DENND1A: variants seen among roughly 807,000 people sequenced by gnomAD.
The protein encoded by DENND1A is DENN domain-containing protein 1A.
Under a neutral mutation model 113.7 loss-of-function variants are expected in DENND1A, and 51 were observed. The observed-to-expected ratio is 0.45, with a 90% CI of 0.36 to 0.57. The LOEUF (loss-of-function observed/expected upper bound fraction) is 0.57. Ranked by LOEUF, DENND1A falls within the 20% of genes least tolerant of loss-of-function variation. DENND1A has a pLI of 0.00. For synonymous variants in DENND1A, 565 were observed against 570.8 expected (o/e 0.99, Z 0.14); for missense variants, 1,258 against 1,395.9 (o/e 0.90, Z 1.57).
intron 1 of DENND1A, among the ~76,000 whole-genome samples, chr9:123,901,141 T>G (rs111865323): frequency 1.2e-3 from 189 of 152,294 alleles, no homozygotes; most frequent in African/African-American, 4.3e-3. Flanking sequence ...TCAACTGACA[T>G]GTTCAGATTG....
At chr9:123,439,390 G>A (rs2046763115) in intron 19 of DENND1A, among the ~76,000 whole-genome samples, 1 of 152,152 alleles carries the variant, frequency 6.6e-6, no homozygotes, top group East Asian at 1.9e-4. Flanking sequence ...GTAGTAACCT[G>A]GAGCAAGAAT....
chr9:123,499,583 C>T (rs564377474), intron 13 of DENND1A, among the ~76,000 whole-genome samples: 21 of 152,276 alleles, frequency 1.4e-4, no homozygotes, highest in South Asian at 2.1e-4. Context: ...TTTTGTATGA[C>T]GAGACAAAGC....
chr9:123,849,118 G>C (rs1003152572), intron 2 of DENND1A, among the ~76,000 whole-genome samples: 1 of 152,208 alleles, frequency 6.6e-6, no homozygotes, highest in African/African-American at 2.4e-5. Context: ...ACTAACAAAA[G>C]ATTTTCAATG....
intron 11 of DENND1A, among the ~76,000 whole-genome samples, chr9:123,602,363 C>G (rs1230859618): frequency 6.6e-6 from 1 of 152,114 alleles, no homozygotes; most frequent in Non-Finnish European, 1.5e-5. Context: ...TATATTCTTT[C>G]ATATATTTTT....
intron 1 of DENND1A, among the ~76,000 whole-genome samples, chr9:123,921,117 A>G (rs1317980715): frequency 6.6e-6 from 1 of 152,208 alleles, no homozygotes; most frequent in Non-Finnish European, 1.5e-5. Context: ...GTAATACTAT[A>G]AAAAGGAACA....
chr9:123,847,842 GGA>G (rs1260242483), intron 2 of DENND1A, among the ~76,000 whole-genome samples: 1 of 152,212 alleles, frequency 6.6e-6, no homozygotes, highest in Non-Finnish European at 1.5e-5. Context: ...AGCTGAGGCA[GGA>G]GAATTGTTTG....
At chr9:123,784,063 C>T (rs1831739005) in intron 3 of DENND1A, among the ~76,000 whole-genome samples, 2 of 152,094 alleles carry the variant, frequency 1.3e-5, no homozygotes. Context: ...AATATTTCAA[C>T]CAAAAGCCAG....
intron 5 of DENND1A, among the ~76,000 whole-genome samples, chr9:123,680,734 C>A (rs1348671766): frequency 6.6e-6 from 1 of 152,192 alleles, no homozygotes. Context: ...TAAAGGGATT[C>A]CACTTCTTTA....
intron 5 of DENND1A, among the ~76,000 whole-genome samples, chr9:123,721,100 T>C (rs2067303682): frequency 6.6e-6 from 1 of 152,174 alleles, no homozygotes; most frequent in South Asian, 2.1e-4. Context: ...CCAATGCAGA[T>C]CCCCACAACT....
intron 9 of DENND1A, among the ~76,000 whole-genome samples, chr9:123,636,145 T>C (rs146171537): frequency 7.0e-4 from 107 of 152,302 alleles, no homozygotes; most frequent in Non-Finnish European, 1.1e-3. Flanking sequence ...TCATGAGCTA[T>C]GTAGGAACCA....
intron 13 of DENND1A, among the ~76,000 whole-genome samples, chr9:123,532,130 A>G (rs572661485): frequency 6.6e-6 from 1 of 152,360 alleles, no homozygotes; most frequent in Admixed American, 6.5e-5. Flanking sequence ...ATGAAATGAA[A>G]TTCACATTAT....
At chr9:123,819,149 A>T (rs1838055567) in intron 2 of DENND1A, among the ~76,000 whole-genome samples, 1 of 152,238 alleles carries the variant, frequency 6.6e-6, no homozygotes, top group African/African-American at 2.4e-5. Flanking sequence ...ATTTAACAAC[A>T]ATCCACTGAG....
At chr9:123,667,313 A>G (rs1394375037) in intron 7 of DENND1A, among the ~76,000 whole-genome samples, 1 of 152,124 alleles carries the variant, frequency 6.6e-6, no homozygotes, top group Non-Finnish European at 1.5e-5. Context: ...CTTCTTTAGG[A>G]GATATAAATG....
chr9:123,741,622 T>C (rs2069030335), intron 5 of DENND1A, among the ~76,000 whole-genome samples: 1 of 152,182 alleles, frequency 6.6e-6, no homozygotes, highest in Non-Finnish European at 1.5e-5. Context: ...GGAGAAGAAA[T>C]TGCTTAACTT....
intron 13 of DENND1A, among the ~76,000 whole-genome samples, chr9:123,527,558 T>C (rs1044862048): frequency 5.9e-5 from 9 of 152,136 alleles, no homozygotes; most frequent in Non-Finnish European, 1.3e-4. Context: ...ATTCTTCATC[T>C]CTCAGCTTGG....
chr9:123,560,963 G>C (rs1285395974), intron 12 of DENND1A, among the ~76,000 whole-genome samples: 3 of 152,126 alleles, frequency 2.0e-5, no homozygotes, highest in Admixed American at 1.3e-4. Context: ...CACCTACAAA[G>C]AGAAGTATGA....
At chr9:123,817,810 T>C (rs1837744213) in intron 2 of DENND1A, among the ~76,000 whole-genome samples, 1 of 152,122 alleles carries the variant, frequency 6.6e-6, no homozygotes, top group Admixed American at 6.5e-5. Flanking sequence ...GTGGATCACC[T>C]GAGGTCAGGA....
intron 10 of DENND1A, among the ~76,000 whole-genome samples, chr9:123,619,686 G>T (rs916719887): frequency 3.3e-5 from 5 of 152,126 alleles, no homozygotes; most frequent in African/African-American, 9.7e-5. Flanking sequence ...CAAAGTGCTG[G>T]CATTACAGGT....
intron 13 of DENND1A, among the ~76,000 whole-genome samples, chr9:123,471,738 C>T (rs1237787767): frequency 2.0e-5 from 3 of 152,176 alleles, no homozygotes; most frequent in Non-Finnish European, 2.9e-5. Context: ...GAACCATAGT[C>T]GCACTTGAAG....
Sources: allele counts gnomAD v4.1 joint callset (sites outside exome capture counted in the v4.1 genomes callset), GRCh38; gene constraint gnomAD v4.1.1; transcripts MANE v1.5; gene names NCBI Gene and HGNC (gene_info 2026-07-23, HGNC 2026-07-21).